Variants in ELP4 observed in about 807,000 individuals in gnomAD.
ELP4 encodes the protein elongator acetyltransferase complex subunit 4, also known as elongator complex protein 4.
Under a neutral mutation model 48.9 loss-of-function variants are expected in ELP4, and 51 were observed. The ratio of observed to expected loss-of-function variants is 1.04; its 90% CI spans 0.83 to 1.32. The LOEUF (loss-of-function observed/expected upper bound fraction) is 1.32, where lower values mean the gene tolerates loss of function less well. Ranked by LOEUF, ELP4 falls within the 40% of genes most tolerant of loss-of-function variation. ELP4 has a pLI of 0.00. For synonymous variants in ELP4, 210 were observed against 189.2 expected, an observed-to-expected ratio of 1.11 and a Z score of -0.90; for missense variants, 519 against 514.6, an observed-to-expected ratio of 1.01 and a Z score of -0.08.
At chr11:31,704,294 A>G (rs1946584797) in intron 9 of ELP4, among the ~76,000 whole-genome samples, 1 of 152,186 alleles carries the variant, frequency 6.6e-6, no homozygotes, top group South Asian at 2.1e-4. Context: ...TTATTTCTTA[A>G]AACTATGCAG....
intron 7 of ELP4, among the ~76,000 whole-genome samples, chr11:31,640,842 G>C (rs1161044629): frequency 6.6e-6 from 1 of 151,928 alleles, no homozygotes; most frequent in Non-Finnish European, 1.5e-5. Context: ...GCCACTGTAA[G>C]AAAGTCCTGA....
intron 9 of ELP4, among the ~76,000 whole-genome samples, chr11:31,677,979 A>G (rs963153048): frequency 6.6e-6 from 1 of 152,138 alleles, no homozygotes; most frequent in Non-Finnish European, 1.5e-5. Flanking sequence ...AAACTTTCCT[A>G]AAAATCCCCT....
At chr11:31,515,279 G>A (rs948858110) in intron 1 of ELP4, among the ~76,000 whole-genome samples, 1 of 151,970 alleles carries the variant, frequency 6.6e-6, no homozygotes, top group Admixed American at 6.6e-5. Flanking sequence ...AAGATATTTG[G>A]TGATAAAAAT....
intron 3 of ELP4, among the ~76,000 whole-genome samples, chr11:31,546,247 A>G (rs569204053): frequency 2.0e-5 from 3 of 151,942 alleles, no homozygotes; most frequent in African/African-American, 7.2e-5. Context: ...CCCATCTCAC[A>G]TGCAGAGACA....
chr11:31,752,447 G>A (rs1947741998), intron 9 of ELP4, among the ~76,000 whole-genome samples: 1 of 152,112 alleles, frequency 6.6e-6, no homozygotes, highest in Admixed American at 6.5e-5. Flanking sequence ...AAAGTCAGGA[G>A]TAAGAATGTC....
At chr11:31,537,621 G>C (rs1956522440) in intron 2 of ELP4, among the ~76,000 whole-genome samples, 1 of 152,134 alleles carries the variant, frequency 6.6e-6, no homozygotes, top group African/African-American at 2.4e-5. Flanking sequence ...AAAGGCAAAG[G>C]GGAGGCAGGC....
intron 3 of ELP4, among the ~76,000 whole-genome samples, chr11:31,574,384 C>A (rs764763894): frequency 6.6e-6 from 1 of 152,118 alleles, no homozygotes; most frequent in Non-Finnish European, 1.5e-5. Context: ...CAAAAGGCAG[C>A]AGAAACTTCT....
At chr11:31,650,956 T>A (rs1274630553) in intron 9 of ELP4, 2 of 151,672 alleles carry the variant, frequency 1.3e-5, no homozygotes, top group Non-Finnish European at 3.0e-5. Flanking sequence ...CAAGCAGCCT[T>A]GACAAACCAT....
intron 9 of ELP4, among the ~76,000 whole-genome samples, chr11:31,685,212 G>A (rs1030218088): frequency 3.9e-5 from 6 of 152,040 alleles, no homozygotes; most frequent in South Asian, 2.1e-4. Context: ...TTAGCCAGGC[G>A]TGGTAGTGGG....
At chr11:31,736,565 G>A (rs1013361846) in intron 9 of ELP4, among the ~76,000 whole-genome samples, 8 of 152,042 alleles carry the variant, frequency 5.3e-5, no homozygotes, top group African/African-American at 1.7e-4. Context: ...GAAAATTTTT[G>A]CAACCTACTC....
At chr11:31,604,612 A>G (rs1957839142) in intron 5 of ELP4, among the ~76,000 whole-genome samples, 1 of 151,918 alleles carries the variant, frequency 6.6e-6, no homozygotes. Context: ...ATTGTCATTT[A>G]TATTTTCTTA....
chr11:31,717,792 A>C (rs1390958202), intron 9 of ELP4, among the ~76,000 whole-genome samples: 1 of 152,010 alleles, frequency 6.6e-6, no homozygotes, highest in African/African-American at 2.4e-5. Flanking sequence ...ATAACATTTC[A>C]GTGAAGTTTA....
chr11:31,520,165 C>A, intron 2 of ELP4, 74 bp downstream of exon 2: 2 of 1,286,892 alleles, frequency 1.6e-6, no homozygotes, highest in Non-Finnish European at 2.2e-6. Context: ...ATCCAATTCC[C>A]ATTCCAAAAT....
rs750870368 is a variant in ELP4, at chr11:31,509,805, C to T, written c.21C>T (p.Cys7=). 7 of 1,614,116 alleles carry T rather than the reference C, an allele frequency of 4.3e-6. No individual in the cohort carries two copies. The highest frequency in any genetic ancestry group is 1.1e-5 in the South Asian group (1 of 91,082). ...CTAAGATGGCGGCAGTGGCAACCTG[C>T]GGTAGTGTTGCCGCGAGTACTGGGT... is the stretch of plus-strand genomic sequence containing the variant. MAAVAT[C]GSVAASTGSA... The change falls in exon 1 of 10, where the codon TGC becomes TGT. Residue 7 remains cysteine, a synonymous_variant. Transcript: ENST00000640961.
chr11:31,661,103 C>CTCTA (rs1246590570), intron 9 of ELP4, among the ~76,000 whole-genome samples: 2 of 151,968 alleles, frequency 1.3e-5, no homozygotes, highest in Non-Finnish European at 2.9e-5. Flanking sequence ...AGATTCTTCT[C>CTCTA]TCTATACTTG....
intron 1 of ELP4, among the ~76,000 whole-genome samples, chr11:31,518,485 A>G (rs952588980): frequency 1.6e-4 from 23 of 143,102 alleles, no homozygotes; most frequent in Non-Finnish European, 3.0e-4. Context: ...TTATATTACC[A>G]TAGTTCAGAT....
chr11:31,744,705 ACT>A (rs1388116183), intron 9 of ELP4, among the ~76,000 whole-genome samples: 2 of 152,050 alleles, frequency 1.3e-5, no homozygotes, highest in Non-Finnish European at 2.9e-5. Context: ...CATGCTAAAA[ACT>A]CTCAATAAAT....
intron 2 of ELP4, among the ~76,000 whole-genome samples, chr11:31,532,243 A>T (rs1208601793): frequency 1.3e-5 from 2 of 152,242 alleles, no homozygotes; most frequent in Non-Finnish European, 2.9e-5. Context: ...TGGACATGTC[A>T]TGAAATTCTG....
At position 31,783,525 on chromosome 11, in the gene ELP4, G is replaced by C. The variant is rs772167103; in HGVS notation, c.*1G>C. ...AGGCAAGAAGCACCTGGACTTCTAGGGATTCCTCCTTAGTCGCTGCATGCA... is the reference window on the plus strand; with the variant it reads ...AGGCAAGAAGCACCTGGACTTCTAGCGATTCCTCCTTAGTCGCTGCATGCA... On this transcript the variant is annotated 3_prime_UTR_variant, in exon 10 of 10. Coordinates refer to ENST00000640961, the MANE Select transcript of ELP4 (RefSeq NM_019040.5). The C allele has an allele frequency of 6.2e-7, 1 of 1,613,306 alleles. No homozygotes were observed. Among genetic ancestry groups the C allele is most frequent in the Non-Finnish European group, 8.5e-7 (1 of 1,179,552 alleles).
Sources: gnomAD v4.1 joint callset for allele counts (sites outside exome capture counted in the v4.1 genomes callset) on GRCh38, gnomAD v4.1.1 for gene constraint, MANE v1.5 for transcripts, NCBI Gene and HGNC (gene_info 2026-07-23, HGNC 2026-07-21) for gene names.